The following KHDRBS2 variants were observed in gnomAD, a reference collection of about 807,000 sequenced individuals.
KHDRBS2 encodes the protein KH RNA binding domain containing, signal transduction associated 2, also known as KH domain-containing, RNA-binding, signal transduction-associated protein 2.
In KHDRBS2, 26 loss-of-function variants were observed where a neutral mutation model predicts 44.3. The observed-to-expected ratio is 0.59, with a 90% CI of 0.43 to 0.81. KHDRBS2 has a LOEUF of 0.81. Among genes scored for constraint, KHDRBS2 ranks in the 40% least tolerant of loss-of-function variants. The pLI, the probability that KHDRBS2 is intolerant of heterozygous loss-of-function variation, is 0.00. For synonymous variants in KHDRBS2, 194 were observed against 151.1 expected (o/e 1.28, Z -2.08); for missense variants, 476 against 433.1 (o/e 1.10, Z -0.88).
chr6:61,815,076 G>C (rs1788698834), intron 6 of KHDRBS2, among the ~76,000 whole-genome samples: 1 of 151,818 alleles, frequency 6.6e-6, no homozygotes, highest in Non-Finnish European at 1.5e-5. Flanking sequence ...TACATGTTTA[G>C]TACAGGCACA....
intron 1 of KHDRBS2, among the ~76,000 whole-genome samples, chr6:62,266,227 G>A (rs1405475810): frequency 6.6e-6 from 1 of 152,018 alleles, no homozygotes; most frequent in Non-Finnish European, 1.5e-5. Context: ...TGCAGTGTCT[G>A]CATTTGACTA....
At chr6:61,777,453 A>C (rs1782252584) in intron 6 of KHDRBS2, among the ~76,000 whole-genome samples, 1 of 152,178 alleles carries the variant, frequency 6.6e-6, no homozygotes, top group African/African-American at 2.4e-5. Flanking sequence ...GGTTATCAAC[A>C]CAGAGAAAGA....
At chr6:62,071,597 A>T (rs1336897484) in intron 2 of KHDRBS2, among the ~76,000 whole-genome samples, 4 of 152,168 alleles carry the variant, frequency 2.6e-5, no homozygotes, top group Non-Finnish European at 2.9e-5. Flanking sequence ...TTAAATAGGG[A>T]ATCCTTTCCC....
At chr6:62,056,986 T>C (rs1232321833) in intron 2 of KHDRBS2, among the ~76,000 whole-genome samples, 1 of 151,974 alleles carries the variant, frequency 6.6e-6, no homozygotes, top group East Asian at 1.9e-4. Context: ...AAAAGAATCA[T>C]GCCCTTAAAT....
At chr6:62,095,961 C>A (rs1800509810) in intron 2 of KHDRBS2, among the ~76,000 whole-genome samples, 1 of 151,814 alleles carries the variant, frequency 6.6e-6, no homozygotes, top group Non-Finnish European at 1.5e-5. Context: ...TTTTTTTATT[C>A]ATCTATTCGG....
chr6:61,812,307 A>G (rs188845097), intron 6 of KHDRBS2, among the ~76,000 whole-genome samples: 58 of 152,078 alleles, frequency 3.8e-4, no homozygotes, highest in African/African-American at 1.3e-3. Flanking sequence ...AGTGTACTAT[A>G]CCTCTTTAAC....
intron 2 of KHDRBS2, among the ~76,000 whole-genome samples, chr6:62,095,001 C>A (rs759606239): frequency 6.6e-6 from 1 of 151,860 alleles, no homozygotes; most frequent in African/African-American, 2.4e-5. Flanking sequence ...TGTGCTACCA[C>A]CAGCTTTGTT....
intron 6 of KHDRBS2, among the ~76,000 whole-genome samples, chr6:61,784,859 T>C (rs1783537733): frequency 6.6e-6 from 1 of 152,132 alleles, no homozygotes; most frequent in African/African-American, 2.4e-5. Flanking sequence ...TTTAAAAATA[T>C]ATGCATGCAC....
At chr6:62,101,959 A>C (rs1340122251) in intron 2 of KHDRBS2, among the ~76,000 whole-genome samples, 4 of 152,216 alleles carry the variant, frequency 2.6e-5, no homozygotes, top group African/African-American at 9.6e-5. Flanking sequence ...CTCTACCATG[A>C]AGTTTACTCA....
At chr6:61,566,265 G>T in the KHDRBS2 span, among the ~76,000 whole-genome samples, 3 of 152,132 alleles carry the variant, frequency 2.0e-5, no homozygotes, top group Non-Finnish European at 2.9e-5. Flanking sequence ...ATAAAGAGAG[G>T]TTGGCTAATG....
At chr6:61,862,065 T>C (rs1252173562) in intron 6 of KHDRBS2, among the ~76,000 whole-genome samples, 3 of 152,164 alleles carry the variant, frequency 2.0e-5, no homozygotes, top group South Asian at 4.1e-4. Context: ...ATTGATTTTA[T>C]ATACTGAGAT....
Position 62,233,886 on chromosome 6 carries a change from T to C in KHDRBS2, c.91+51972A>G, listed in dbSNP as rs181475281. On this transcript the variant is annotated intron_variant, in intron 1 of 8. Transcript: ENST00000281156. Reference sequence around the variant, plus strand: ...CACATTTCCTTCATCCAGTCTACCATTGATGGGGATTTAGGTTGATTCCAT... The same window carrying C: ...CACATTTCCTTCATCCAGTCTACCACTGATGGGGATTTAGGTTGATTCCAT... Among the ~76,000 whole-genome samples, 674 of 152,256 alleles carry C rather than the reference T, an allele frequency of 4.4e-3. 8 individuals carry two copies. Among genetic ancestry groups the C allele is most frequent in the African/African-American group, 0.015 (641 of 41,564 alleles).
intron 3 of KHDRBS2, among the ~76,000 whole-genome samples, chr6:61,980,990 C>A (rs1437261840): frequency 6.6e-6 from 1 of 152,054 alleles, no homozygotes; most frequent in Non-Finnish European, 1.5e-5. Context: ...ACATGTTTAC[C>A]CACTGGGCAT....
the KHDRBS2 span, among the ~76,000 whole-genome samples, chr6:61,625,551 A>G: frequency 6.6e-6 from 1 of 151,954 alleles, no homozygotes; most frequent in African/African-American, 2.4e-5. Context: ...TAGCCTGAGG[A>G]CAGCAGAGCG....
At chr6:62,012,763 C>G (rs980415414) in intron 3 of KHDRBS2, among the ~76,000 whole-genome samples, 19 of 152,122 alleles carry the variant, frequency 1.2e-4, no homozygotes, top group Non-Finnish European at 1.9e-4. Flanking sequence ...CTTGACTACT[C>G]TAACTACATC....
chr6:62,050,961 A>G (rs138940676), intron 2 of KHDRBS2, among the ~76,000 whole-genome samples: 94 of 152,236 alleles, frequency 6.2e-4, no homozygotes, highest in African/African-American at 2.2e-3. Flanking sequence ...ACTGATTGAC[A>G]CAACAACCTG....
chr6:62,159,142 T>C (rs1286520628), intron 2 of KHDRBS2, among the ~76,000 whole-genome samples: 2 of 152,150 alleles, frequency 1.3e-5, no homozygotes, highest in African/African-American at 2.4e-5. Flanking sequence ...TAATGTTCAA[T>C]ATGCTGCACT....
intron 2 of KHDRBS2, among the ~76,000 whole-genome samples, chr6:62,148,707 A>T (rs1296778404): frequency 6.6e-6 from 1 of 152,054 alleles, no homozygotes; most frequent in East Asian, 1.9e-4. Flanking sequence ...TACCCTAAAA[A>T]AGCTCTATTA....
At chr6:62,283,248 C>T (rs1451503553) in intron 1 of KHDRBS2, among the ~76,000 whole-genome samples, 1 of 152,102 alleles carries the variant, frequency 6.6e-6, no homozygotes, top group Non-Finnish European at 1.5e-5. Flanking sequence ...ATTGAAAACA[C>T]ACAGCACAAA....
Sources: allele counts gnomAD v4.1 joint callset (sites outside exome capture counted in the v4.1 genomes callset), GRCh38; gene constraint gnomAD v4.1.1; transcripts MANE v1.5; gene names NCBI Gene and HGNC (gene_info 2026-07-23, HGNC 2026-07-21).